Variants in POLN observed in about 807,000 individuals in gnomAD.
The protein encoded by POLN is DNA polymerase N.
In POLN, 108 loss-of-function variants were observed where a neutral mutation model predicts 113.5. That is an observed-to-expected ratio of 0.95 (90% CI 0.81 to 1.12). The LOEUF (loss-of-function observed/expected upper bound fraction) is 1.12. POLN is among the 50% of genes most tolerant of loss of function. The probability of loss-of-function intolerance (pLI) is 0.00; values close to 1 mark genes in which losing one functional copy is unlikely to be tolerated. For synonymous variants in POLN, 386 were observed against 391.5 expected, an observed-to-expected ratio of 0.99 and a Z score of 0.17; for missense variants, 1,097 against 1,077.1, an observed-to-expected ratio of 1.02 and a Z score of -0.26.
intron 20 of POLN, chr4:2,090,108 CA>C: frequency 1.0e-6 from 1 of 952,556 alleles, no homozygotes; most frequent in Non-Finnish European, 1.6e-6. Context: ...TACTATAATC[CA>C]AATGATTTGC....
At chr4:2,239,795 C>T (rs1239201297) in intron 2 of POLN, among the ~76,000 whole-genome samples, 3 of 152,202 alleles carry the variant, frequency 2.0e-5, no homozygotes, top group Non-Finnish European at 4.4e-5. Context: ...CAAATTAAAG[C>T]ACTTTTGTTT....
chr4:2,208,806 A>G (rs1733920889), intron 4 of POLN, among the ~76,000 whole-genome samples: 1 of 152,132 alleles, frequency 6.6e-6, no homozygotes, highest in South Asian at 2.1e-4. Flanking sequence ...TCTGGCCAAC[A>G]TGGTGAAACT....
chr4:2,164,464 G>A (rs1358813378), intron 13 of POLN, among the ~76,000 whole-genome samples: 1 of 139,674 alleles, frequency 7.2e-6, no homozygotes, highest in Non-Finnish European at 1.5e-5. Flanking sequence ...TCACACCATT[G>A]CTCTCCAGCC....
chr4:2,239,831 G>A (rs1734905688), intron 2 of POLN, among the ~76,000 whole-genome samples: 1 of 152,176 alleles, frequency 6.6e-6, no homozygotes, highest in Admixed American at 6.5e-5. Context: ...ATGTGGTAGA[G>A]ATTATAATTA....
chr4:2,102,139 C>T (rs1560991474), intron 19 of POLN, among the ~76,000 whole-genome samples: 1 of 152,112 alleles, frequency 6.6e-6, no homozygotes, highest in Non-Finnish European at 1.5e-5. Context: ...CTGGGGATTG[C>T]CATGCCCTCC....
At chr4:2,230,119 AC>A (rs1480299095) in intron 2 of POLN, 5 of 152,572 alleles carry the variant, frequency 3.3e-5, no homozygotes, top group Admixed American at 1.3e-4. Flanking sequence ...ACATGGTGAA[AC>A]CCCGTCTCTA....
At chr4:2,217,066 G>C (rs891450875) in intron 3 of POLN, among the ~76,000 whole-genome samples, 5 of 152,296 alleles carry the variant, frequency 3.3e-5, no homozygotes, top group East Asian at 1.9e-4. Flanking sequence ...GAAGTACTTC[G>C]TGACTGTTCC....
intron 19 of POLN, among the ~76,000 whole-genome samples, chr4:2,104,467 C>T (rs896691467): frequency 6.6e-6 from 1 of 152,210 alleles, no homozygotes; most frequent in Admixed American, 6.5e-5. Flanking sequence ...AACTACCAGA[C>T]TGTTTTTCAC....
intron 19 of POLN, among the ~76,000 whole-genome samples, chr4:2,117,498 A>G (rs1731345754): frequency 6.6e-6 from 1 of 152,180 alleles, no homozygotes; most frequent in Non-Finnish European, 1.5e-5. Flanking sequence ...GATCATCCTT[A>G]TATCAGGACA....
At chr4:2,172,044 CA>C (rs2108747585) in intron 11 of POLN, among the ~76,000 whole-genome samples, 1 of 152,084 alleles carries the variant, frequency 6.6e-6, no homozygotes, top group South Asian at 2.1e-4. Flanking sequence ...TAAAAATGGG[CA>C]AAAGACTTGA....
chr4:2,085,596 G>C lies in POLN; in HGVS notation c.2197+17C>G. On this transcript the variant is annotated intron_variant, in intron 21 of 25. Transcript: ENST00000511885. ...GGGTTGGCAGGGAGCAGGGAGCTCT[G>C]GTTGTGGCCAACTCACCTGTCTGGT... The C allele has an allele frequency of 6.2e-7, 1 of 1,613,450 alleles. No homozygotes were observed. Among genetic ancestry groups the C allele is most frequent in the Non-Finnish European group, 8.5e-7 (1 of 1,179,864 alleles).
In POLN at chr4:2,198,718, C is replaced by G. The variant is rs778053551; in HGVS notation, c.715-1G>C. Reference sequence around the variant, plus strand: ...TTCCTCTAACAGAAGAAACGGGGGTCTGTGGAAACACAACAAAATAAATTA... The same window carrying G: ...TTCCTCTAACAGAAGAAACGGGGGTGTGTGGAAACACAACAAAATAAATTA... On this transcript the variant is annotated splice_acceptor_variant, in intron 5 of 25. Coordinates refer to ENST00000511885, the MANE Select transcript of POLN (RefSeq NM_181808.4). LOFTEE classifies it high-confidence loss of function. 6.3e-7 allele frequency: 1 copy of G among 1,599,230 alleles called. No individual in the cohort carries two copies. The highest frequency in any genetic ancestry group is 1.1e-5 in the South Asian group (1 of 88,826).
chr4:2,161,962 A>C (rs528525472), intron 13 of POLN, among the ~76,000 whole-genome samples: 2 of 152,230 alleles, frequency 1.3e-5, no homozygotes, highest in South Asian at 2.1e-4. Context: ...GGGGATATGG[A>C]GAACCTTTGT....
At chr4:2,091,811 C>A (rs1289012191) in intron 20 of POLN, among the ~76,000 whole-genome samples, 2 of 124,646 alleles carry the variant, frequency 1.6e-5, no homozygotes, top group African/African-American at 6.0e-5. Context: ...GCGCGCGCTA[C>A]AATTTGACGT....
chr4:2,199,212 G>A (rs1445379649), intron 5 of POLN, among the ~76,000 whole-genome samples: 1 of 152,108 alleles, frequency 6.6e-6, no homozygotes, highest in African/African-American at 2.4e-5. Flanking sequence ...AAATACTTAA[G>A]TATAAATGAA....
intron 7 of POLN, among the ~76,000 whole-genome samples, chr4:2,186,659 G>A (rs1027233553): frequency 1.3e-5 from 2 of 152,098 alleles, no homozygotes; most frequent in African/African-American, 4.8e-5. Flanking sequence ...AAACAAACCA[G>A]ACAGAGAAGA....
intron 13 of POLN, 147 bp downstream of exon 13, chr4:2,170,532 C>G (rs1371335183): frequency 1.6e-6 from 1 of 636,668 alleles, no homozygotes; most frequent in East Asian, 2.7e-5. Flanking sequence ...GAAAAGCAAC[C>G]TTGGTGTGGG....
chr4:2,109,423 T>C (rs1173147124), intron 19 of POLN, among the ~76,000 whole-genome samples: 1 of 152,232 alleles, frequency 6.6e-6, no homozygotes, highest in Non-Finnish European at 1.5e-5. Flanking sequence ...TGCACACTTA[T>C]TAAACTTTAT....
chr4:2,153,822 G>T (rs984761162), intron 16 of POLN, among the ~76,000 whole-genome samples: 2 of 151,864 alleles, frequency 1.3e-5, no homozygotes, highest in African/African-American at 4.8e-5. Flanking sequence ...CTGACCTTGT[G>T]ATCCACCCAC....
Sources: allele counts gnomAD v4.1 joint callset (sites outside exome capture counted in the v4.1 genomes callset), GRCh38; gene constraint gnomAD v4.1.1; transcripts MANE v1.5; gene names NCBI Gene and HGNC (gene_info 2026-07-23, HGNC 2026-07-21).